The following DUSP8 variants were observed in gnomAD, a reference collection of about 807,000 sequenced individuals.
DUSP8 encodes dual specificity phosphatase 8, also known as dual specificity protein phosphatase 8.
A neutral mutation model predicts 38.7 loss-of-function variants in DUSP8; 15 were observed. The ratio of observed to expected loss-of-function variants is 0.39; its 90% confidence interval spans 0.26 to 0.60. The LOEUF (loss-of-function observed/expected upper bound fraction) is 0.60, where lower values mean the gene tolerates loss of function less well. DUSP8 is among the 20% of genes least tolerant of loss of function. The pLI is 0.56. For synonymous variants in DUSP8, 458 were observed against 433.9 expected (o/e 1.06, Z -0.69); for missense variants, 768 against 915.0 (o/e 0.84, Z 2.07).
At chr11:1,561,666 G>T (rs541704543) in intron 3 of DUSP8, among the ~76,000 whole-genome samples, 1 of 152,218 alleles carries the variant, frequency 6.6e-6, no homozygotes, top group Non-Finnish European at 1.5e-5. Context: ...CCCGCTTCCC[G>T]CAAACCTGCC....
chr11:1,566,301 A>G (rs766958969), intron 1 of DUSP8, among the ~76,000 whole-genome samples: 1 of 152,044 alleles, frequency 6.6e-6, no homozygotes, highest in Non-Finnish European at 1.5e-5. Flanking sequence ...CAGGACCCCC[A>G]GCAAGTCGGG....
Position 1,556,698 on chromosome 11 carries a change from GGGCTC to G in DUSP8, c.1693_1697del (p.Glu565ProfsTer82). The G allele has an allele frequency of 2.3e-6, 3 of 1,277,984 alleles. No homozygotes were observed. The highest frequency in any genetic ancestry group is 2.0e-6 in the Non-Finnish European group (2 of 1,011,912). The allele number at this position is 1,277,984 out of a possible 1,614,324, so 79.2% of individuals were successfully genotyped here. On this transcript the variant is annotated frameshift_variant, in exon 7 of 7. Transcript: ENST00000397374. LOFTEE classifies it high-confidence loss of function. The surrounding 1 kb of genome is among the most constrained non-coding windows in gnomAD (Gnocchi z 5.2). ...CGGGCCAGCCGGTCCGCGCGTCCCG[GGGCTC>G]AGCCCTCGCTGCCTCCCGCCGCCGC...
chr11:1,559,210 G>A (rs557979374), intron 3 of DUSP8, 155 bp from the exon 4 acceptor site: 9 of 684,448 alleles, frequency 1.3e-5, no homozygotes, highest in Middle Eastern at 4.1e-4. Context: ...AGCCTCTGGC[G>A]GAGCACCTGC....
chr11:1,563,968 C>A lies in DUSP8; in HGVS notation c.253G>T (p.Asp85Tyr). The change falls in exon 3 of 7, where the codon GAC becomes TAC. Residue 85 changes from aspartate to tyrosine, a missense_variant. Coordinates refer to ENST00000397374, the MANE Select transcript of DUSP8 (RefSeq NM_004420.3). ...GTGCTCTGGTCATAGACCACCACGT[C>A]CTGTGGCTCCGTAGCCTCCACCTGG... ...RSQVEATEPQ[D>Y]VVVYDQSTRD... The A allele has an allele frequency of 6.6e-7, 1 of 1,505,632 alleles. No individual in the cohort carries two copies. Among genetic ancestry groups the A allele is most frequent in the Non-Finnish European group, 8.9e-7 (1 of 1,120,332 alleles). The allele number at this position is 1,505,632 out of a possible 1,614,324, so 93.3% of individuals were successfully genotyped here.
chr11:1,561,070 C>T (rs898465768), intron 3 of DUSP8, among the ~76,000 whole-genome samples: 71 of 152,186 alleles, frequency 4.7e-4, no homozygotes, highest in African/African-American at 1.3e-3. Context: ...TAGCAGGGAC[C>T]GAGGCTCCAG....
At position 1,557,062 on chromosome 11, in the gene DUSP8, G is replaced by C; in HGVS notation, c.1334C>G (p.Ala445Gly). 2 of 1,185,786 alleles carry C rather than the reference G, an allele frequency of 1.7e-6. No individual in the cohort carries two copies. The highest frequency in any genetic ancestry group is 7.1e-5 in the South Asian group (2 of 28,098). 73.5% of individuals were successfully genotyped at this position (1,185,786 alleles called of 1,614,324 possible). ...GGGCCGTGGGCGCGCCTCAGGCGCG[G>C]CGTCCGGGCTGTCCGGGCTGGGCGA... ...LSSPSPDSPDAAPEARPRPRR... is the reference protein window; with the variant it reads ...LSSPSPDSPDGAPEARPRPRR... The change falls in exon 7 of 7, where the codon GCC becomes GGC. Residue 445 changes from alanine to glycine, a missense_variant. Coordinates refer to ENST00000397374, the MANE Select transcript of DUSP8 (RefSeq NM_004420.3). The surrounding 1 kb of genome is among the most constrained non-coding windows in gnomAD (Gnocchi z 9.9).
At position 1,555,095 on chromosome 11, in the gene DUSP8, T is replaced by C. The variant is rs1848601511; in HGVS notation, c.*1423A>G. 1.0e-6 allele frequency: 1 copy of C among 987,256 alleles called. No homozygotes were observed. Among genetic ancestry groups the C allele is most frequent in the Non-Finnish European group, 1.2e-6 (1 of 830,244 alleles). The allele number at this position is 987,256 out of a possible 1,614,324, so 61.2% of individuals were successfully genotyped here. A position where few individuals can be genotyped will look rare whatever the true frequency, so the allele number is the denominator to read the frequency against. On this transcript the variant is annotated 3_prime_UTR_variant, in exon 7 of 7. Transcript: ENST00000397374. Reference sequence around the variant, plus strand: ...CCTCTCCGGCCAAGCCCCTGGCCTCTTCCCACAGTGACTGGCCCCACTCCT... The same window carrying C: ...CCTCTCCGGCCAAGCCCCTGGCCTCCTCCCACAGTGACTGGCCCCACTCCT...
At chr11:1,566,887 C>T (rs1440898313) in intron 1 of DUSP8, among the ~76,000 whole-genome samples, 1 of 152,038 alleles carries the variant, frequency 6.6e-6, no homozygotes, top group African/African-American at 2.4e-5. Flanking sequence ...CTCCGGAAGC[C>T]CCTCCTGCAG....
chr11:1,556,908 C>A lies in DUSP8; in HGVS notation c.1488G>T (p.Leu496=). ...GGCCGGCCGGCTGGCCAGGGCCGGG[C>A]AGCCCGGGCGCCGACAGGGCCGAGA... ...HGLSALSAPG[L]PGPGQPAGPG... The change falls in exon 7 of 7, where the codon CTG becomes CTT. Residue 496 remains leucine (L), a synonymous_variant. Coordinates refer to ENST00000397374, the MANE Select transcript of DUSP8 (RefSeq NM_004420.3). The surrounding 1 kb of genome is among the most constrained non-coding windows in gnomAD (Gnocchi z 5.2). The A allele has an allele frequency of 9.2e-7, 1 of 1,084,358 alleles. No homozygotes were observed. The highest frequency in any genetic ancestry group is 1.1e-6 in the Non-Finnish European group (1 of 895,536). The allele number at this position is 1,084,358 out of a possible 1,614,324, so 67.2% of individuals were successfully genotyped here. A position where few individuals can be genotyped will look rare whatever the true frequency, so the allele number is the denominator to read the frequency against.
At chr11:1,560,565 A>G (rs887111135) in intron 3 of DUSP8, among the ~76,000 whole-genome samples, 7 of 152,156 alleles carry the variant, frequency 4.6e-5, no homozygotes, top group African/African-American at 1.7e-4. Flanking sequence ...GCCTTGGAGG[A>G]ACAGTCTCTT....
Position 1,572,235 on chromosome 11 carries a change from G to C in DUSP8, c.-443C>G, listed in dbSNP as rs1255479976. 1.4e-5 allele frequency among the ~76,000 whole-genome samples: 2 copies of C among 146,960 alleles called. No homozygotes were observed. The highest frequency in any genetic ancestry group is 1.3e-4 in the Admixed American group (2 of 14,834). On this transcript the variant is annotated 5_prime_UTR_variant, in exon 1 of 7. Transcript: ENST00000397374. The surrounding 1 kb of genome is among the most constrained non-coding windows in gnomAD (Gnocchi z 4.7). ...GTCCGGCGTCCGGCGGGGCGTCGTG[G>C]GGGGAGCCGGCTCGGCCGCCGCGCT...
chr11:1,568,784 C>T (rs887952640), intron 1 of DUSP8, among the ~76,000 whole-genome samples: 17 of 152,244 alleles, frequency 1.1e-4, no homozygotes, highest in African/African-American at 3.9e-4. Context: ...CCTCAGAGGC[C>T]TTCTCTGTAC....
intron 1 of DUSP8, among the ~76,000 whole-genome samples, chr11:1,569,181 G>A (rs1848851155): frequency 3.9e-5 from 6 of 152,112 alleles, no homozygotes; most frequent in Admixed American, 3.9e-4. Context: ...AGGCAGGGCT[G>A]GGGACAGGAT....
chr11:1,557,334 C>A lies in DUSP8; in HGVS notation c.1062G>T (p.Ala354=), dbSNP rs755998260. ...NAAAREGGLS[A]GGEPPAPPTP... ...TGGGGGGCGCGGGGGGCTCCCCGCC[C>A]GCGCTCAGGCCGCCCTCCCTGGCAG... The change falls in exon 7 of 7, where the codon GCG becomes GCT. Residue 354 remains alanine (A), a synonymous_variant. Coordinates refer to ENST00000397374, the MANE Select transcript of DUSP8 (RefSeq NM_004420.3). This position sits in a 1 kb window ranked among gnomAD's most constrained non-coding sequence, Gnocchi z 9.9. The A allele has an allele frequency of 6.6e-7, 1 of 1,524,300 alleles. No homozygotes were observed. Among genetic ancestry groups the A allele is most frequent in the South Asian group, 1.2e-5 (1 of 81,646 alleles). 94.4% of individuals were successfully genotyped at this position (1,524,300 alleles called of 1,614,324 possible). A position where few individuals can be genotyped will look rare whatever the true frequency, so the allele number is the denominator to read the frequency against.
intron 1 of DUSP8, among the ~76,000 whole-genome samples, chr11:1,569,369 C>T (rs908865685): frequency 4.6e-5 from 7 of 152,148 alleles, no homozygotes; most frequent in African/African-American, 1.7e-4. Flanking sequence ...TGCACACTGC[C>T]CTCTGTGCGT....
intron 3 of DUSP8, among the ~76,000 whole-genome samples, chr11:1,559,607 C>T (rs964011043): frequency 4.6e-5 from 7 of 152,200 alleles, no homozygotes; most frequent in Non-Finnish European, 8.8e-5. Flanking sequence ...CCAGGGCTTC[C>T]GAGAGGCCCT....
Position 1,558,463 on chromosome 11 carries a change from G to A in DUSP8, c.538-192C>T, listed in dbSNP as rs112985052. 2.0e-5 allele frequency among the ~76,000 whole-genome samples: 3 copies of A among 152,096 alleles called. No homozygotes were observed. Among genetic ancestry groups the A allele is most frequent in the Admixed American group, 6.5e-5 (1 of 15,278 alleles). Reference sequence around the variant, plus strand: ...TGGTCCACCCTGGCACCCTGGGCCCGTGCGGGGGGTGGGGCACGGCTGGCC... The same window carrying A: ...TGGTCCACCCTGGCACCCTGGGCCCATGCGGGGGGTGGGGCACGGCTGGCC... On this transcript the variant is annotated intron_variant, in intron 4 of 6. Coordinates refer to ENST00000397374, the MANE Select transcript of DUSP8 (RefSeq NM_004420.3). This position sits in a 1 kb window ranked among gnomAD's most constrained non-coding sequence, Gnocchi z 6.3.
At chr11:1,567,311 G>T (rs1213522798) in intron 1 of DUSP8, among the ~76,000 whole-genome samples, 4 of 152,226 alleles carry the variant, frequency 2.6e-5, no homozygotes, top group Admixed American at 6.5e-5. Context: ...GCACTGGGGG[G>T]AGGCGCCCTG....
In DUSP8 at chr11:1,554,588, C is replaced by T; in HGVS notation, c.*1930G>A. On this transcript the variant is annotated 3_prime_UTR_variant, in exon 7 of 7. Transcript: ENST00000397374. The stretch of plus-strand genomic sequence containing the variant: ...CCTCAAGAGTGGGAGCAGAGACAGA[C>T]TGAGACAGACAGCCCCCCTCAACGG... 1 of 973,552 alleles carries T rather than the reference C, an allele frequency of 1.0e-6. No individual in the cohort carries two copies. The allele number at this position is 973,552 out of a possible 1,614,324, so 60.3% of individuals were successfully genotyped here.
Sources: allele counts gnomAD v4.1 joint callset (sites outside exome capture counted in the v4.1 genomes callset), GRCh38; gene constraint gnomAD v4.1.1; non-coding constraint Gnocchi (gnomAD v3.1); transcripts MANE v1.5; gene names NCBI Gene and HGNC (gene_info 2026-07-23, HGNC 2026-07-21).